Variants in PRR5 observed in about 807,000 individuals in gnomAD.
PRR5 encodes proline rich 5, also known as proline-rich protein 5.
PRR5 carries 25 observed loss-of-function variants against 30.6 expected under a neutral mutation model. That is an observed-to-expected ratio of 0.82 (90% CI 0.60 to 1.14). The LOEUF is 1.14. Among genes scored for constraint, PRR5 ranks in the 50% most tolerant of loss-of-function variants. The pLI, the probability that PRR5 is intolerant of heterozygous loss-of-function variation, is 0.00. For missense variants in PRR5, 600 were observed against 547.1 expected (o/e 1.10, Z -0.96); for synonymous variants, 286 against 247.1 (o/e 1.16, Z -1.48).
intron 2 of PRR5, among the ~76,000 whole-genome samples, chr22:44,716,756 G>A (rs1929112320): frequency 1.3e-5 from 2 of 152,110 alleles, no homozygotes; most frequent in Non-Finnish European, 1.5e-5. Context: ...GGACGGTGTG[G>A]CCACATTAAA....
At position 44,732,856 on chromosome 22, in the gene PRR5, A is replaced by G. The variant is rs556581113; in HGVS notation, c.555+465A>G. ...ATACTACACACGTGCACACACGTGCACACGCACATACTACACACTGCACAC... is the reference window on the plus strand; with the variant it reads ...ATACTACACACGTGCACACACGTGCGCACGCACATACTACACACTGCACAC... On this transcript the variant is annotated intron_variant, in intron 6 of 7. Coordinates refer to ENST00000336985, the MANE Select transcript of PRR5 (RefSeq NM_181333.4). Among the ~76,000 whole-genome samples the G allele has an allele frequency of 8.9e-5, 12 of 135,354 alleles. 1 individual carries two copies. Among genetic ancestry groups the G allele is most frequent in the East Asian group, 6.9e-4 (3 of 4,374 alleles). The allele number at this position is 135,354 out of a possible 152,430, so 88.8% of individuals were successfully genotyped here.
chr22:44,670,353 G>C (rs766341186), intron 1 of PRR5, among the ~76,000 whole-genome samples: 1 of 152,212 alleles, frequency 6.6e-6, no homozygotes, highest in African/African-American at 2.4e-5. Context: ...GGGGATTGCT[G>C]TGAAGTCCGG....
In PRR5 at chr22:44,691,585, C is replaced by A. The variant is rs2146968993; in HGVS notation, c.-10-10907C>A. Among the ~76,000 whole-genome samples, 1 of 152,232 alleles carries A rather than the reference C, an allele frequency of 6.6e-6. No homozygotes were observed. The highest frequency in any genetic ancestry group is 2.4e-5 in the African/African-American group (1 of 41,552). On this transcript the variant is annotated intron_variant, in intron 1 of 8. Transcript: ENST00000006251. The surrounding 1 kb of genome is among the most constrained non-coding windows in gnomAD (Gnocchi z 4.4). ...GGTCAGGAGTTCAAGACCAGCCTGG[C>A]CAACATGGCAAAACCCCGTCTCTAC...
At chr22:44,712,428 T>A (rs1305192775) in intron 1 of PRR5, among the ~76,000 whole-genome samples, 1 of 152,168 alleles carries the variant, frequency 6.6e-6, no homozygotes, top group Non-Finnish European at 1.5e-5. Flanking sequence ...CCTGTGACCC[T>A]GCCCTGCGCC....
intron 4 of PRR5, among the ~76,000 whole-genome samples, chr22:44,728,044 C>T (rs1921184353): frequency 1.3e-5 from 2 of 152,198 alleles, no homozygotes; most frequent in South Asian, 4.1e-4. Flanking sequence ...CCTAGGGGAG[C>T]CGGGGCTCTC....
At chr22:44,696,922 A>C (rs1925808179) in intron 1 of PRR5, among the ~76,000 whole-genome samples, 1 of 151,972 alleles carries the variant, frequency 6.6e-6, no homozygotes, top group Non-Finnish European at 1.5e-5. Flanking sequence ...TTTTTAGTAG[A>C]GACAGGGTTT....
intron 1 of PRR5, among the ~76,000 whole-genome samples, chr22:44,686,493 C>T (rs531172715): frequency 4.9e-4 from 74 of 151,082 alleles, no homozygotes; most frequent in African/African-American, 1.6e-3. Context: ...TGTGCCACCA[C>T]GCCTGGCTAA....
chr22:44,735,371 A>G (rs1453754193), intron 7 of PRR5, among the ~76,000 whole-genome samples: 1 of 152,198 alleles, frequency 6.6e-6, no homozygotes, highest in Non-Finnish European at 1.5e-5. Context: ...GTGATGTGGC[A>G]ACACCTTGGA....
chr22:44,690,749 C>T (rs767427264), intron 1 of PRR5, among the ~76,000 whole-genome samples: 1 of 152,062 alleles, frequency 6.6e-6, no homozygotes, highest in African/African-American at 2.4e-5. Context: ...ATAACCCAGC[C>T]GGAGGATGAG....
At chr22:44,727,401 G>A (rs770595573) in intron 4 of PRR5, among the ~76,000 whole-genome samples, 5 of 152,206 alleles carry the variant, frequency 3.3e-5, no homozygotes, top group Non-Finnish European at 7.3e-5. Flanking sequence ...TGCTGGGATC[G>A]GGCCTGCGCT....
chr22:44,697,558 C>T (rs987786083), upstream of PRR5, among the ~76,000 whole-genome samples: 5 of 152,214 alleles, frequency 3.3e-5, no homozygotes, highest in Admixed American at 2.6e-4. Flanking sequence ...ACTTTTGGGT[C>T]GGCTTTGAGG....
intron 1 of PRR5, among the ~76,000 whole-genome samples, chr22:44,690,899 G>A (rs1002888007): frequency 1.3e-5 from 2 of 152,070 alleles, no homozygotes; most frequent in East Asian, 3.9e-4. Context: ...AAGCAGAATT[G>A]GAAGGAGTGG....
In PRR5 at chr22:44,735,056, G is replaced by A. The variant is rs1166058040; in HGVS notation, c.585G>A (p.Glu195=). The change falls in exon 7 of 8, where the codon GAG becomes GAA. Residue 195 remains glutamate, a synonymous_variant. Transcript: ENST00000336985. ...QGVHESRGVT[E]DYLRLETLVQ... ...TACATGAGTCCAGGGGCGTGACTGAGGACTACCTGCGCCTGGAGACGCTGG... is the reference window on the plus strand; with the variant it reads ...TACATGAGTCCAGGGGCGTGACTGAAGACTACCTGCGCCTGGAGACGCTGG... The A allele has an allele frequency of 6.2e-7, 1 of 1,612,612 alleles. No individual in the cohort carries two copies. The highest frequency in any genetic ancestry group is 8.5e-7 in the Non-Finnish European group (1 of 1,179,406).
At chr22:44,715,294 G>C (rs905900222) in intron 2 of PRR5, among the ~76,000 whole-genome samples, 4 of 152,176 alleles carry the variant, frequency 2.6e-5, no homozygotes, top group African/African-American at 7.2e-5. Context: ...GCTGCTCCAA[G>C]GAGGCAGTTC....
intron 3 of PRR5, among the ~76,000 whole-genome samples, chr22:44,725,798 G>A (rs1920934131): frequency 6.6e-6 from 1 of 152,160 alleles, no homozygotes; most frequent in Admixed American, 6.5e-5. Context: ...CCCAGGAGCT[G>A]GGATTACAGG....
In PRR5 at chr22:44,692,732, G is replaced by A. The variant is rs73171600; in HGVS notation, c.-10-9760G>A. Among the ~76,000 whole-genome samples the A allele has an allele frequency of 6.4e-3, 970 of 152,332 alleles. 5 individuals are homozygous for A. Among genetic ancestry groups the A allele is most frequent in the Non-Finnish European group, 9.7e-3 (659 of 68,026 alleles). On this transcript the variant is annotated intron_variant, in intron 1 of 8. Transcript: ENST00000006251. Reference sequence around the variant, plus strand: ...CTTGGGAAGAATACAGGTTGGGAGTGCAGCCCGGGAGTCCGTCCCGCTCTG... The same window carrying A: ...CTTGGGAAGAATACAGGTTGGGAGTACAGCCCGGGAGTCCGTCCCGCTCTG...
At position 44,702,303 on chromosome 22, in the gene PRR5, C is replaced by T; in HGVS notation, c.-172C>T. On this transcript the variant is annotated 5_prime_UTR_variant, in exon 1 of 8. Coordinates refer to ENST00000336985, the MANE Select transcript of PRR5 (RefSeq NM_181333.4). ...ACCCGGCGGGGCGGCCGGCGCGGGA[C>T]CCGAGACGGAGGCGCGGGGCCGGGG... The T allele has an allele frequency of 4.4e-6, 5 of 1,149,346 alleles. No individual in the cohort carries two copies. Among genetic ancestry groups the T allele is most frequent in the Non-Finnish European group, 5.4e-6 (5 of 929,944 alleles). The allele number at this position is 1,149,346 out of a possible 1,614,324, so 71.2% of individuals were successfully genotyped here.
At chr22:44,729,295 C>T in intron 4 of PRR5, 1 of 958,138 alleles carries the variant, frequency 1.0e-6, no homozygotes, top group African/African-American at 1.8e-5. Flanking sequence ...CGGGCTGAAA[C>T]AGGGTTGTTG....
intron 1 of PRR5, among the ~76,000 whole-genome samples, chr22:44,696,655 C>T (rs529499765): frequency 2.0e-5 from 3 of 152,312 alleles, no homozygotes; most frequent in Non-Finnish European, 4.4e-5. Flanking sequence ...CAAGAGAAGA[C>T]TTAAAGGAAG....
Sources: allele counts gnomAD v4.1 joint callset (sites outside exome capture counted in the v4.1 genomes callset), GRCh38; gene constraint gnomAD v4.1.1; non-coding constraint Gnocchi (gnomAD v3.1); transcripts MANE v1.5; gene names NCBI Gene and HGNC (gene_info 2026-07-23, HGNC 2026-07-21).